Variants in ITGA11 observed in about 807,000 individuals in gnomAD.
The protein encoded by ITGA11 is integrin alpha-11.
In ITGA11, 97 loss-of-function variants were observed where a neutral mutation model predicts 141.9. The ratio of observed to expected loss-of-function variants is 0.68; its 90% CI spans 0.58 to 0.81. The LOEUF (loss-of-function observed/expected upper bound fraction) is 0.81, where lower values mean the gene tolerates loss of function less well. Ranked by LOEUF, ITGA11 falls within the 30% of genes least tolerant of loss-of-function variation. ITGA11 has a pLI of 0.00. For missense variants in ITGA11, 1,387 were observed against 1,559.2 expected (o/e 0.89, Z 1.86); for synonymous variants, 658 against 624.6 (o/e 1.05, Z -0.80).
At chr15:68,422,420 T>G (rs555401864) in intron 1 of ITGA11, among the ~76,000 whole-genome samples, 2 of 152,188 alleles carry the variant, frequency 1.3e-5, no homozygotes, top group African/African-American at 4.8e-5. Flanking sequence ...TCTATCCCCC[T>G]GGGTTCACTC....
chr15:68,328,750 T>G lies in ITGA11; in HGVS notation c.1902-488A>C, dbSNP rs930663834. Among the ~76,000 whole-genome samples, 3 of 152,174 alleles carry G rather than the reference T, an allele frequency of 2.0e-5. No individual in the cohort carries two copies. In the East Asian group the frequency reaches 5.8e-4, roughly 29 times the overall value. ...ACGCCCCCTGGGGATCATGTTAAAA[T>G]GCAGATTTTGATCCAATAGCTTGGC... is the stretch of plus-strand genomic sequence containing the variant. On this transcript the variant is annotated intron_variant, in intron 15 of 29. Coordinates refer to ENST00000315757, the MANE Select transcript of ITGA11 (RefSeq NM_001004439.2). The surrounding 1 kb of genome is among the most constrained non-coding windows in gnomAD (Gnocchi z 4.8).
chr15:68,403,905 A>G (rs1896572253), intron 1 of ITGA11, among the ~76,000 whole-genome samples: 2 of 151,996 alleles, frequency 1.3e-5, no homozygotes, highest in African/African-American at 4.8e-5. Flanking sequence ...TAGCCCCACA[A>G]AGAAAGGCCT....
Position 68,350,432 on chromosome 15 carries a change from C to T in ITGA11, c.1060+185G>A, listed in dbSNP as rs372503297. Among the ~76,000 whole-genome samples the T allele has an allele frequency of 6.6e-5, 10 of 152,248 alleles. No homozygotes were observed. The East Asian group carries it at 1.7e-3, about 26-fold the overall frequency. On this transcript the variant is annotated intron_variant, in intron 9 of 29. Coordinates refer to ENST00000315757, the MANE Select transcript of ITGA11 (RefSeq NM_001004439.2). The stretch of plus-strand genomic sequence containing the variant: ...CTTGAACTCCTGAACTGAAGCAATT[C>T]GCTCACCTTGGCCTCCCAAAGTGCT...
At chr15:68,332,293 G>T (rs759237296) in intron 13 of ITGA11, 45 bp downstream of exon 13, 2 of 1,569,552 alleles carry the variant, frequency 1.3e-6, no homozygotes, top group Admixed American at 1.8e-5. Flanking sequence ...TCAAAGCAGA[G>T]GTTGGGGGCA....
At position 68,324,982 on chromosome 15, in the gene ITGA11, A is replaced by G; in HGVS notation, c.2322+149T>C. 2 of 663,840 alleles carry G rather than the reference A, an allele frequency of 3.0e-6. No individual in the cohort carries two copies. Among genetic ancestry groups the G allele is most frequent in the Non-Finnish European group, 5.5e-6 (2 of 365,666 alleles). The allele number at this position is 663,840 out of a possible 1,614,324, so 41.1% of individuals were successfully genotyped here. ...CCCGAGAGAGGCAGGAAGGAGCCAC[A>G]CTGTGGGTTTGCCAGGACAGGAGGT... On this transcript the variant is annotated intron_variant, in intron 18 of 29. Coordinates refer to ENST00000315757, the MANE Select transcript of ITGA11 (RefSeq NM_001004439.2). This position sits in a 1 kb window ranked among gnomAD's most constrained non-coding sequence, Gnocchi z 6.3.
At chr15:68,395,092 A>G (rs1031088661) in intron 2 of ITGA11, among the ~76,000 whole-genome samples, 1 of 152,190 alleles carries the variant, frequency 6.6e-6, no homozygotes. Context: ...GGACCCAACT[A>G]TTAGAAGGAA....
chr15:68,377,692 C>T (rs79828709), intron 2 of ITGA11, among the ~76,000 whole-genome samples: 4,824 of 152,318 alleles, frequency 0.032, 237 homozygotes, highest in African/African-American at 0.097. Flanking sequence ...ACTGGAATCA[C>T]TCTACATATG....
chr15:68,302,905 G>A lies in ITGA11; in HGVS notation c.*154C>T. ...TTAAAACCAGCTTGAGTTCCATTCT[G>A]GAGGGAGCAGGCGCCATTGCTCGGG... On this transcript the variant is annotated 3_prime_UTR_variant, in exon 30 of 30. Coordinates refer to ENST00000315757, the MANE Select transcript of ITGA11 (RefSeq NM_001004439.2). 1.6e-6 allele frequency: 1 copy of A among 616,434 alleles called. No homozygotes were observed. Among genetic ancestry groups the A allele is most frequent in the East Asian group, 2.8e-5 (1 of 35,988 alleles). The allele number at this position is 616,434 out of a possible 1,614,324, so 38.2% of individuals were successfully genotyped here. A position where few individuals can be genotyped will look rare whatever the true frequency, so the allele number is the denominator to read the frequency against.
chr15:68,411,526 C>T (rs1028344614), intron 1 of ITGA11, among the ~76,000 whole-genome samples: 8 of 152,124 alleles, frequency 5.3e-5, no homozygotes, highest in African/African-American at 1.9e-4. Flanking sequence ...AGATGGGAGC[C>T]GATGGCCAGA....
Position 68,326,573 on chromosome 15 carries a change from C to A in ITGA11, c.2211+81G>T. The A allele has an allele frequency of 1.4e-6, 2 of 1,445,434 alleles. No individual in the cohort carries two copies. The highest frequency in any genetic ancestry group is 1.9e-6 in the Non-Finnish European group (2 of 1,077,784). 89.5% of individuals were successfully genotyped at this position (1,445,434 alleles called of 1,614,324 possible). A position where few individuals can be genotyped will look rare whatever the true frequency, so the allele number is the denominator to read the frequency against. ...GGTCTGCTGGGGGCTTAGAACCAGC[C>A]AGGCAGACTCTCTGCCTCTCCCACG... On this transcript the variant is annotated intron_variant, in intron 17 of 29. Transcript: ENST00000315757. This position sits in a 1 kb window ranked among gnomAD's most constrained non-coding sequence, Gnocchi z 6.8.
chr15:68,363,378 C>G (rs181543379), intron 4 of ITGA11, among the ~76,000 whole-genome samples: 1 of 152,138 alleles, frequency 6.6e-6, no homozygotes, highest in Non-Finnish European at 1.5e-5. Context: ...AAGCCCCTGA[C>G]GGATATGTGT....
intron 13 of ITGA11, 46 bp from the exon 14 acceptor site, chr15:68,332,108 G>A: frequency 6.7e-7 from 1 of 1,484,726 alleles, no homozygotes; most frequent in East Asian, 2.4e-5. Context: ...TTTGGCAAAA[G>A]TCCTCAGGCT....
chr15:68,414,593 A>G (rs900611265), intron 1 of ITGA11, among the ~76,000 whole-genome samples: 1 of 152,140 alleles, frequency 6.6e-6, no homozygotes, highest in Non-Finnish European at 1.5e-5. Context: ...CATTTCCAGT[A>G]CTGAGGTTCT....
At position 68,424,912 on chromosome 15, in the gene ITGA11, A is replaced by G. The variant is rs554341231; in HGVS notation, c.52+7103T>C. ...TTCCATGGCTTAAAAATGACCTCAC[A>G]GCTCTGGCGTGTGCCTTTAGAACTG... On this transcript the variant is annotated intron_variant, in intron 1 of 29. Coordinates refer to ENST00000315757, the MANE Select transcript of ITGA11 (RefSeq NM_001004439.2). 9.8e-5 allele frequency among the ~76,000 whole-genome samples: 15 copies of G among 152,338 alleles called. No homozygotes were observed. The South Asian group carries it at 3.1e-3, about 32-fold the overall frequency.
rs770869064 is a variant in ITGA11 at position 68,357,116 on chromosome 15, C to A, written c.749+35G>T. ...AGATAACTACAATAGCATCTGAGAT[C>A]TAAAAAAATTTTTTTTGTTCTACTT... On this transcript the variant is annotated intron_variant, in intron 7 of 29. Coordinates refer to ENST00000315757, the MANE Select transcript of ITGA11 (RefSeq NM_001004439.2). 3.7e-6 allele frequency: 6 copies of A among 1,600,620 alleles called. No individual in the cohort carries two copies. In the South Asian group the frequency reaches 5.7e-5, roughly 15 times the overall value.
chr15:68,313,832 G>T lies in ITGA11; in HGVS notation c.2829C>A (p.Asn943Lys). 1 of 1,613,988 alleles carries T rather than the reference G, an allele frequency of 6.2e-7. No homozygotes were observed. Among genetic ancestry groups the T allele is most frequent in the African/African-American group, 1.3e-5 (1 of 75,062 alleles). ...SNERDSTKED[N>K]VAPLRFHLKY... ...TGAGGTGGAAGCGTAAGGGGGCCAC[G>T]TTGTCTTCCTTGGTGCTGTCCCGCT... Residue 943 changes from asparagine to lysine, a missense_variant, in exon 23 of 30, where the codon AAC becomes AAA. Transcript: ENST00000315757.
chr15:68,307,475 C>A lies in ITGA11; in HGVS notation c.3286-32G>T. On this transcript the variant is annotated intron_variant, in intron 27 of 29. Coordinates refer to ENST00000315757, the MANE Select transcript of ITGA11 (RefSeq NM_001004439.2). This position sits in a 1 kb window ranked among gnomAD's most constrained non-coding sequence, Gnocchi z 6.1. ...AATCAGAGGGCTCGTCAGAAGCTGGCTTGGAAGCTTTTCTTCCCGTCCCCT... is the reference window on the plus strand; with the variant it reads ...AATCAGAGGGCTCGTCAGAAGCTGGATTGGAAGCTTTTCTTCCCGTCCCCT... 1 of 1,544,052 alleles carries A rather than the reference C, an allele frequency of 6.5e-7. No individual in the cohort carries two copies. The highest frequency in any genetic ancestry group is 2.4e-5 in the East Asian group (1 of 41,186).
intron 12 of ITGA11, among the ~76,000 whole-genome samples, chr15:68,334,050 T>C (rs1894266246): frequency 6.6e-6 from 1 of 152,172 alleles, no homozygotes; most frequent in South Asian, 2.1e-4. Context: ...CCTTCTCCAC[T>C]CTGCTCCCTG....
chr15:68,331,193 G>A, intron 14 of ITGA11, 82 bp from the exon 15 acceptor site: 3 of 1,284,198 alleles, frequency 2.3e-6, no homozygotes, highest in Non-Finnish European at 3.3e-6. Context: ...GGAACAATCA[G>A]GAACAATAGG....
Sources: allele counts gnomAD v4.1 joint callset (sites outside exome capture counted in the v4.1 genomes callset), GRCh38; gene constraint gnomAD v4.1.1; non-coding constraint Gnocchi (gnomAD v3.1); transcripts MANE v1.5; gene names NCBI Gene and HGNC (gene_info 2026-07-23, HGNC 2026-07-21).